Variants in STX12 observed in about 807,000 individuals in gnomAD.
The protein encoded by STX12 is syntaxin-12.
Under a neutral mutation model 42.2 loss-of-function variants are expected in STX12, and 17 were observed. The observed-to-expected ratio is 0.40, with a 90% CI of 0.28 to 0.60. The LOEUF (loss-of-function observed/expected upper bound fraction) is 0.60, where lower values mean the gene tolerates loss of function less well. Among genes scored for constraint, STX12 ranks in the 20% least tolerant of loss-of-function variants. The pLI, the probability that STX12 is intolerant of heterozygous loss-of-function variation, is 0.39. For missense variants in STX12, 297 were observed against 330.9 expected (o/e 0.90, Z 0.79); for synonymous variants, 108 against 116.7 (o/e 0.93, Z 0.48).
At chr1:27,797,787 C>T (rs1158849879) in intron 3 of STX12, among the ~76,000 whole-genome samples, 2 of 151,958 alleles carry the variant, frequency 1.3e-5, no homozygotes, top group Non-Finnish European at 2.9e-5. Flanking sequence ...ATTGACAATA[C>T]TTAACATCAC....
Position 27,812,254 on chromosome 1 carries a change from A to G in STX12, c.562A>G (p.Ile188Val), listed in dbSNP as rs766215973. 1.3e-5 allele frequency: 21 copies of G among 1,556,430 alleles called. No individual in the cohort carries two copies. The highest frequency in any genetic ancestry group is 1.9e-5 in the Admixed American group (1 of 51,650). The change falls in exon 6 of 9, where the codon ATT (isoleucine) becomes GTT (valine). Residue 188 changes from isoleucine to valine, a missense_variant. Transcript: ENST00000373943. Reference protein sequence around the residue: ...LELIKERETAIRQLEADILDV... With the variant: ...LELIKERETAVRQLEADILDV... ...ACTTATTAAAGAAAGAGAAACGGCA[A>G]TTCGGCAGCTGGAGGTGAGAGCCAC...
chr1:27,819,138 A>G (rs1259208359), intron 7 of STX12, among the ~76,000 whole-genome samples: 1 of 151,670 alleles, frequency 6.6e-6, no homozygotes, highest in East Asian at 1.9e-4. Context: ...GCATAGTAAC[A>G]TGCACCTGTA....
At chr1:27,779,316 TG>T (rs1217973300) in intron 1 of STX12, among the ~76,000 whole-genome samples, 1 of 150,754 alleles carries the variant, frequency 6.6e-6, no homozygotes, top group Admixed American at 6.6e-5. Context: ...TTGAATCAGA[TG>T]GTTTTTTTTG....
intron 8 of STX12, chr1:27,820,332 C>T (rs1191795034): frequency 2.0e-5 from 3 of 152,138 alleles, no homozygotes; most frequent in Admixed American, 2.0e-4. Flanking sequence ...CATTTCATGT[C>T]CTTCGCCCAC....
At chr1:27,798,227 T>C (rs923186552) in intron 3 of STX12, among the ~76,000 whole-genome samples, 2 of 152,218 alleles carry the variant, frequency 1.3e-5, no homozygotes, top group African/African-American at 2.4e-5. Context: ...TGATGGAATA[T>C]ATGTAAGCGA....
chr1:27,798,780 C>CA (rs61253983), intron 3 of STX12, among the ~76,000 whole-genome samples: 3,909 of 52,674 alleles, frequency 0.074, 139 homozygotes, highest in African/African-American at 0.14. Flanking sequence ...GACTCCGTCT[C>CA]AAAAAAAAAA....
At chr1:27,819,365 C>T (rs956427333) in intron 7 of STX12, among the ~76,000 whole-genome samples, 49 of 151,680 alleles carry the variant, frequency 3.2e-4, no homozygotes, top group African/African-American at 1.1e-3. Context: ...TAACATTCTA[C>T]CCCATTTGCT....
intron 1 of STX12, among the ~76,000 whole-genome samples, chr1:27,777,335 A>G (rs2088633967): frequency 6.6e-6 from 1 of 152,166 alleles, no homozygotes; most frequent in South Asian, 2.1e-4. Context: ...AGAGGGCAAG[A>G]GCAAGGACTT....
intron 7 of STX12, 141 bp from the exon 8 acceptor site, chr1:27,819,509 C>G: frequency 1.6e-6 from 1 of 617,336 alleles, no homozygotes; most frequent in Non-Finnish European, 2.8e-6. Context: ...TAGTCTCTTA[C>G]CAAGGTAGTA....
intron 3 of STX12, among the ~76,000 whole-genome samples, chr1:27,800,155 A>G (rs11808150): frequency 0.12 from 18,953 of 152,244 alleles, 3,923 homozygotes; most frequent in African/African-American, 0.43. Flanking sequence ...CCAACCAAAC[A>G]GTCTGTCTAG....
intron 6 of STX12, among the ~76,000 whole-genome samples, chr1:27,817,527 C>A (rs943938858): frequency 6.6e-6 from 1 of 152,186 alleles, no homozygotes; most frequent in African/African-American, 2.4e-5. Flanking sequence ...TGTCACAAGG[C>A]CTAGCAGTCT....
chr1:27,799,436 C>T (rs1173485281), intron 3 of STX12, among the ~76,000 whole-genome samples: 5 of 148,238 alleles, frequency 3.4e-5, no homozygotes, highest in Admixed American at 6.6e-5. Flanking sequence ...ATCTTCATTG[C>T]TCTTTGTTCT....
At chr1:27,782,694 G>A (rs746733737) in intron 1 of STX12, among the ~76,000 whole-genome samples, 10 of 152,056 alleles carry the variant, frequency 6.6e-5, no homozygotes, top group Non-Finnish European at 1.2e-4. Context: ...AAATTAGCCC[G>A]GCATGGTGGT....
intron 5 of STX12, among the ~76,000 whole-genome samples, chr1:27,811,476 C>T (rs1383802139): frequency 6.6e-6 from 1 of 152,022 alleles, no homozygotes; most frequent in Non-Finnish European, 1.5e-5. Flanking sequence ...TAACATTTCA[C>T]TAGCTTTCTG....
In STX12 at chr1:27,773,236, C is replaced by G. The variant is rs1295632945; in HGVS notation, c.-72C>G. On this transcript the variant is annotated 5_prime_UTR_variant, in exon 1 of 9. Coordinates refer to ENST00000373943, the MANE Select transcript of STX12 (RefSeq NM_177424.3). ...TTGCTCTTCCCAGTTTCTCCGTCAGCCTGCGGGTCCCGGCTGGCGGCTGCT... is the reference window on the plus strand; with the variant it reads ...TTGCTCTTCCCAGTTTCTCCGTCAGGCTGCGGGTCCCGGCTGGCGGCTGCT... The G allele has an allele frequency of 9.9e-7, 1 of 1,006,848 alleles. No individual in the cohort carries two copies. Among genetic ancestry groups the G allele is most frequent in the Non-Finnish European group, 1.5e-6 (1 of 661,510 alleles). The allele number at this position is 1,006,848 out of a possible 1,614,324, so 62.4% of individuals were successfully genotyped here. A position where few individuals can be genotyped will look rare whatever the true frequency, so the allele number is the denominator to read the frequency against.
At chr1:27,773,519 C>G in intron 1 of STX12, 94 bp downstream of exon 1, 1 of 1,167,642 alleles carries the variant, frequency 8.6e-7, no homozygotes, top group Non-Finnish European at 1.3e-6. Flanking sequence ...GGGCTACGGC[C>G]GAGGCCACAC....
intron 1 of STX12, among the ~76,000 whole-genome samples, chr1:27,775,513 C>A (rs1274499613): frequency 6.6e-6 from 1 of 152,176 alleles, no homozygotes; most frequent in Non-Finnish European, 1.5e-5. Context: ...CTCAAGTGAT[C>A]CACCCACCTT....
chr1:27,792,818 G>A (rs567901109), intron 2 of STX12, among the ~76,000 whole-genome samples: 1 of 152,296 alleles, frequency 6.6e-6, no homozygotes, highest in South Asian at 2.1e-4. Context: ...CTGGATAGTA[G>A]AGGAAACCAC....
At chr1:27,791,044 C>T (rs572608102) in intron 2 of STX12, among the ~76,000 whole-genome samples, 3 of 151,312 alleles carry the variant, frequency 2.0e-5, no homozygotes, top group Non-Finnish European at 4.4e-5. Flanking sequence ...GCAGATCACC[C>T]GAGGTCGGGA....
Sources: gnomAD v4.1 joint callset for allele counts (sites outside exome capture counted in the v4.1 genomes callset) on GRCh38, gnomAD v4.1.1 for gene constraint, MANE v1.5 for transcripts, NCBI Gene and HGNC (gene_info 2026-07-23, HGNC 2026-07-21) for gene names.